Variants in CCNY observed in about 807,000 individuals in gnomAD.
The protein encoded by CCNY is cyclin Y.
In CCNY, 19 loss-of-function variants were observed where a neutral mutation model predicts 42.8. The observed-to-expected ratio is 0.44, with a 90% confidence interval of 0.31 to 0.65. The LOEUF (loss-of-function observed/expected upper bound fraction) is 0.65, where lower values mean the gene tolerates loss of function less well. Among genes scored for constraint, CCNY ranks in the 30% least tolerant of loss-of-function variants. The pLI, the probability that CCNY is intolerant of heterozygous loss-of-function variation, is 0.07. For synonymous variants in CCNY, 165 were observed against 162.7 expected (o/e 1.01, Z -0.11); for missense variants, 370 against 437.3 (o/e 0.85, Z 1.37).
chr10:35,556,095 G>A (rs2135454468), intron 8 of CCNY, among the ~76,000 whole-genome samples: 1 of 152,218 alleles, frequency 6.6e-6, no homozygotes, highest in Non-Finnish European at 1.5e-5. Flanking sequence ...AGCTGTTGGT[G>A]CCCAGGCTAC....
At chr10:35,355,461 T>C (rs2135145150) in intron 1 of CCNY, among the ~76,000 whole-genome samples, 1 of 152,004 alleles carries the variant, frequency 6.6e-6, no homozygotes, top group Non-Finnish European at 1.5e-5. Context: ...GTGGATCACC[T>C]GAGATCAGGA....
At chr10:35,413,840 C>T (rs1484193638) in intron 1 of CCNY, among the ~76,000 whole-genome samples, 1 of 152,082 alleles carries the variant, frequency 6.6e-6, no homozygotes, top group Non-Finnish European at 1.5e-5. Context: ...GATTTGGAGG[C>T]TCAACTTTTC....
At chr10:35,264,413 C>T (rs1342128842) in intron 3 of CCNY, among the ~76,000 whole-genome samples, 1 of 152,128 alleles carries the variant, frequency 6.6e-6, no homozygotes, top group African/African-American at 2.4e-5. Flanking sequence ...AATGGTTGAA[C>T]TAATATACAT....
chr10:35,438,427 G>A (rs1357590457), intron 1 of CCNY, among the ~76,000 whole-genome samples: 1 of 152,030 alleles, frequency 6.6e-6, no homozygotes, highest in Non-Finnish European at 1.5e-5. Flanking sequence ...AAGTGCCCAG[G>A]TTACAGTCAT....
At chr10:35,443,063 A>G (rs1048037636) in intron 1 of CCNY, among the ~76,000 whole-genome samples, 1 of 152,242 alleles carries the variant, frequency 6.6e-6, no homozygotes, top group Admixed American at 6.5e-5. Context: ...ACAATACGGT[A>G]TAGAAGATAA....
At chr10:35,440,977 A>G (rs781574394) in intron 1 of CCNY, among the ~76,000 whole-genome samples, 5 of 152,140 alleles carry the variant, frequency 3.3e-5, no homozygotes, top group Admixed American at 6.5e-5. Flanking sequence ...TCTTATTTCC[A>G]TTATATTGCT....
intron 1 of CCNY, among the ~76,000 whole-genome samples, chr10:35,361,469 T>C (rs1369999595): frequency 6.6e-6 from 1 of 152,210 alleles, no homozygotes. Flanking sequence ...GGTTTTTTCT[T>C]TTAATTTTTT....
chr10:35,535,783 G>C (rs1424152625), intron 7 of CCNY, among the ~76,000 whole-genome samples: 1 of 152,128 alleles, frequency 6.6e-6, no homozygotes, highest in Non-Finnish European at 1.5e-5. Flanking sequence ...GATGATTTAA[G>C]TATACAAGAT....
intron 3 of CCNY, chr10:35,320,724 A>G (rs866950282): frequency 1.3e-5 from 2 of 152,220 alleles, no homozygotes; most frequent in Admixed American, 1.3e-4. Context: ...CATTTAAGGA[A>G]TCTTTATGAA....
chr10:35,466,120 C>G (rs1839264915), intron 1 of CCNY, among the ~76,000 whole-genome samples: 1 of 151,928 alleles, frequency 6.6e-6, no homozygotes, highest in Non-Finnish European at 1.5e-5. Context: ...GTAGTCAGCA[C>G]ACATTTTGGG....
In CCNY at chr10:35,337,082, C is replaced by T. The variant is rs760231021; in HGVS notation, c.29C>T (p.Ser10Leu). 1 of 1,590,974 alleles carries T rather than the reference C, an allele frequency of 6.3e-7. No individual in the cohort carries two copies. The highest frequency in any genetic ancestry group is 1.7e-5 in the Admixed American group (1 of 57,650). Residue 10 changes from serine (S) to leucine (L), a missense_variant, in exon 1 of 10, where the codon TCG becomes TTG. Physicochemically the swap from Ser to Leu is moderately radical, Grantham distance 145 (BLOSUM62 -2). Coordinates refer to ENST00000374704, the MANE Select transcript of CCNY (RefSeq NM_145012.6). ...GGGAACACTACCTCGTGCTGCGTGT[C>T]GTCCAGTCCCAAGCTCCGGAGGAAT... MGNTTSCCV[S>L]SSPKLRRNAH...
At chr10:35,455,600 C>T (rs1248120982) in intron 1 of CCNY, 1 of 152,126 alleles carries the variant, frequency 6.6e-6, no homozygotes, top group Non-Finnish European at 1.5e-5. Context: ...TCAGGATCTT[C>T]GACATGACCG....
chr10:35,257,510 G>A (rs901962559), intron 3 of CCNY, among the ~76,000 whole-genome samples: 1 of 152,072 alleles, frequency 6.6e-6, no homozygotes, highest in Non-Finnish European at 1.5e-5. Context: ...TAAGCCAAAT[G>A]CAAGATTCTT....
At chr10:35,365,233 G>C (rs2135163491) in intron 1 of CCNY, among the ~76,000 whole-genome samples, 1 of 152,278 alleles carries the variant, frequency 6.6e-6, no homozygotes, top group Non-Finnish European at 1.5e-5. Flanking sequence ...TTTTGAAATT[G>C]AAAGAAAGCA....
rs956585490 is a variant in CCNY, at chr10:35,493,115, T to C, written c.230-8386T>C. On this transcript the variant is annotated intron_variant, in intron 2 of 9. Transcript: ENST00000374704. ...TCACCTGACTCCAGTATTTCATCCC[T>C]TGGGCTTTCCAGTGTGGAGAAAGCT... is the stretch of plus-strand genomic sequence containing the variant. 1.4e-4 allele frequency among the ~76,000 whole-genome samples: 21 copies of C among 152,190 alleles called. 1 individual carries two copies. Among genetic ancestry groups the C allele is most frequent in the African/African-American group, 4.8e-4 (20 of 41,432 alleles).
At chr10:35,327,811 C>G (rs556001166) in intron 3 of CCNY, 1 of 152,256 alleles carries the variant, frequency 6.6e-6, no homozygotes, top group Non-Finnish European at 1.5e-5. Flanking sequence ...CTCCTGCATA[C>G]CTGATGTCCC....
At chr10:35,447,194 G>A (rs934743826) in intron 1 of CCNY, among the ~76,000 whole-genome samples, 16 of 152,190 alleles carry the variant, frequency 1.1e-4, no homozygotes, top group Non-Finnish European at 2.4e-4. Context: ...GGAGAATGGC[G>A]TGAACCCGGG....
chr10:35,456,980 C>T (rs1839050193), intron 1 of CCNY, among the ~76,000 whole-genome samples: 1 of 152,138 alleles, frequency 6.6e-6, no homozygotes, highest in Admixed American at 6.5e-5. Flanking sequence ...AATATTATGC[C>T]ATGTGATTCA....
chr10:35,346,766 A>G (rs1431794512), intron 1 of CCNY, among the ~76,000 whole-genome samples: 1 of 152,150 alleles, frequency 6.6e-6, no homozygotes, highest in Non-Finnish European at 1.5e-5. Context: ...AGCTGGGACT[A>G]TAGTCGTGTG....
Sources: gnomAD v4.1 joint callset for allele counts (sites outside exome capture counted in the v4.1 genomes callset) on GRCh38, gnomAD v4.1.1 for gene constraint, MANE v1.5 for transcripts, NCBI Gene and HGNC (gene_info 2026-07-23, HGNC 2026-07-21) for gene names.